Variants in KCNMA1 observed in about 807,000 individuals in gnomAD.
The protein encoded by KCNMA1 is Calcium-activated potassium channel subunit alpha-1.
KCNMA1 carries 29 observed loss-of-function variants against 140.0 expected under a neutral mutation model. The ratio of observed to expected loss-of-function variants is 0.21; its 90% CI spans 0.15 to 0.28. KCNMA1 has a LOEUF of 0.28. Among genes scored for constraint, KCNMA1 ranks in the 10% least tolerant of loss-of-function variants. The probability of loss-of-function intolerance (pLI) is 1.00; values close to 1 mark genes in which losing one functional copy is unlikely to be tolerated. For missense variants in KCNMA1, 880 were observed against 1,602.2 expected, an observed-to-expected ratio of 0.55 and a Z score of 7.70; for synonymous variants, 612 against 611.9, an observed-to-expected ratio of 1.00 and a Z score of 0.00.
chr10:77,112,035 C>A (rs994274216), intron 7 of KCNMA1, among the ~76,000 whole-genome samples: 1 of 152,164 alleles, frequency 6.6e-6, no homozygotes, highest in Non-Finnish European at 1.5e-5. Context: ...GTCCCCAGAC[C>A]TTTTCCAGGT....
intron 1 of KCNMA1, among the ~76,000 whole-genome samples, chr10:77,517,184 G>A (rs1394536639): frequency 1.3e-5 from 2 of 152,094 alleles, no homozygotes; most frequent in African/African-American, 4.8e-5. Flanking sequence ...TCCAGGAAGA[G>A]TTCCTCCCTC....
chr10:77,280,438 AAC>A (rs1427956672), intron 2 of KCNMA1, among the ~76,000 whole-genome samples: 1 of 152,202 alleles, frequency 6.6e-6, no homozygotes. Context: ...TGTGGAAAAA[AAC>A]AGTTTTGCCT....
intron 7 of KCNMA1, among the ~76,000 whole-genome samples, chr10:77,111,566 T>C (rs2097325302): frequency 1.3e-5 from 2 of 152,222 alleles, no homozygotes; most frequent in Non-Finnish European, 2.9e-5. Context: ...CAGGAGACTC[T>C]AGATCTGGTG....
At chr10:77,539,723 A>T (rs1415098046) in intron 1 of KCNMA1, among the ~76,000 whole-genome samples, 1 of 152,178 alleles carries the variant, frequency 6.6e-6, no homozygotes, top group Non-Finnish European at 1.5e-5. Flanking sequence ...CTCTCTGCAG[A>T]GTGTGTGCAC....
intron 2 of KCNMA1, among the ~76,000 whole-genome samples, chr10:77,254,148 A>T (rs143675532): frequency 2.1e-3 from 315 of 152,198 alleles, no homozygotes; most frequent in African/African-American, 7.1e-3. Context: ...TAGTCACCTA[A>T]GTATTTAACA....
chr10:77,603,476 T>C (rs2083368053), intron 1 of KCNMA1, among the ~76,000 whole-genome samples: 1 of 152,144 alleles, frequency 6.6e-6, no homozygotes. Context: ...AGGTTCTGTG[T>C]CCCTTCAGGA....
At chr10:77,224,578 G>A (rs915609800) in intron 3 of KCNMA1, among the ~76,000 whole-genome samples, 3 of 152,150 alleles carry the variant, frequency 2.0e-5, no homozygotes, top group South Asian at 4.1e-4. Context: ...GGAACACTCA[G>A]GACCCCACTC....
At chr10:76,921,638 G>T (rs765711317) in intron 23 of KCNMA1, among the ~76,000 whole-genome samples, 1 of 152,098 alleles carries the variant, frequency 6.6e-6, no homozygotes, top group African/African-American at 2.4e-5. Flanking sequence ...GAGCAACTAC[G>T]GTAATAGCCA....
intron 2 of KCNMA1, among the ~76,000 whole-genome samples, chr10:77,392,055 C>T (rs2095848442): frequency 6.7e-6 from 1 of 150,168 alleles, no homozygotes; most frequent in African/African-American, 2.5e-5. Context: ...CATTTCATTT[C>T]CTGAAATGCC....
chr10:77,547,349 G>A (rs1488604294), intron 1 of KCNMA1, among the ~76,000 whole-genome samples: 1 of 152,214 alleles, frequency 6.6e-6, no homozygotes, highest in Non-Finnish European at 1.5e-5. Context: ...TCAATGAACA[G>A]AACGGCTCCG....
chr10:77,509,585 G>A (rs540356909), intron 1 of KCNMA1, among the ~76,000 whole-genome samples: 3 of 152,242 alleles, frequency 2.0e-5, no homozygotes, highest in Admixed American at 2.0e-4. Context: ...TTTCCACAGT[G>A]AATGCATCAT....
chr10:76,894,115 G>T (rs189653570), intron 25 of KCNMA1, among the ~76,000 whole-genome samples: 1 of 152,234 alleles, frequency 6.6e-6, no homozygotes, highest in Non-Finnish European at 1.5e-5. Context: ...GATAGTAATG[G>T]CATAGGATAG....
chr10:77,258,520 A>G (rs547941702), intron 2 of KCNMA1, among the ~76,000 whole-genome samples: 1 of 152,206 alleles, frequency 6.6e-6, no homozygotes, highest in South Asian at 2.1e-4. Context: ...TGAAAAGCCC[A>G]TGTTTTTGCA....
At chr10:77,297,965 G>T (rs1360280697) in intron 2 of KCNMA1, among the ~76,000 whole-genome samples, 2 of 152,136 alleles carry the variant, frequency 1.3e-5, no homozygotes, top group African/African-American at 2.4e-5. Context: ...TAAACCTGGG[G>T]ACAGCAATTG....
intron 1 of KCNMA1, among the ~76,000 whole-genome samples, chr10:77,533,518 T>C (rs1364610642): frequency 6.6e-6 from 1 of 152,158 alleles, no homozygotes; most frequent in Non-Finnish European, 1.5e-5. Flanking sequence ...GTAAAAGCCC[T>C]AAGGATCCTA....
chr10:77,399,864 C>T lies in KCNMA1; in HGVS notation c.540+3998G>A, dbSNP rs2096202901. On this transcript the variant is annotated intron_variant, in intron 2 of 27. Coordinates refer to ENST00000286628, the MANE Select transcript of KCNMA1 (RefSeq NM_001161352.2). ...ACACTTAGTGAATAACGGATGTGCT[C>T]GTCTGGGAGATCCTACAGATATTCT... is the stretch of plus-strand genomic sequence containing the variant. 2.0e-5 allele frequency among the ~76,000 whole-genome samples: 3 copies of T among 152,118 alleles called. No homozygotes were observed. The South Asian group carries it at 6.2e-4, about 32-fold the overall frequency.
chr10:77,395,561 C>T (rs1334248269), intron 2 of KCNMA1, among the ~76,000 whole-genome samples: 4 of 152,148 alleles, frequency 2.6e-5, no homozygotes, highest in South Asian at 2.1e-4. Flanking sequence ...CAAAACAGAG[C>T]CTTTCCGCTT....
chr10:77,456,760 C>A (rs1026585895), intron 1 of KCNMA1, among the ~76,000 whole-genome samples: 15 of 152,128 alleles, frequency 9.9e-5, no homozygotes, highest in Non-Finnish European at 2.1e-4. Context: ...TGCTTGAGAT[C>A]AGGGAAAGCT....
At chr10:77,468,673 G>C (rs190735382) in intron 1 of KCNMA1, among the ~76,000 whole-genome samples, 1 of 152,240 alleles carries the variant, frequency 6.6e-6, no homozygotes, top group East Asian at 1.9e-4. Flanking sequence ...CAGACTTCTG[G>C]CCTCTAGAAC....
Sources: gnomAD v4.1 joint callset for allele counts (sites outside exome capture counted in the v4.1 genomes callset) on GRCh38, gnomAD v4.1.1 for gene constraint, MANE v1.5 for transcripts, NCBI Gene and HGNC (gene_info 2026-07-23, HGNC 2026-07-21) for gene names.